Variants in ARID4B observed in about 807,000 individuals in gnomAD.
ARID4B encodes the protein AT-rich interactive domain-containing protein 4B.
In ARID4B, 26 loss-of-function variants were observed where a neutral mutation model predicts 147.5. The ratio of observed to expected loss-of-function variants is 0.18; its 90% CI spans 0.13 to 0.24. ARID4B has a LOEUF of 0.24. Among genes scored for constraint, ARID4B ranks in the 10% least tolerant of loss-of-function variants. The pLI, the probability that ARID4B is intolerant of heterozygous loss-of-function variation, is 1.00. For synonymous variants in ARID4B, 512 were observed against 507.9 expected (o/e 1.01, Z -0.11); for missense variants, 1,179 against 1,511.5 (o/e 0.78, Z 3.65).
chr1:235,202,986 A>C (rs998178940), intron 17 of ARID4B, among the ~76,000 whole-genome samples: 2 of 152,236 alleles, frequency 1.3e-5, no homozygotes, highest in Admixed American at 6.5e-5. Flanking sequence ...TGAATCAACA[A>C]ACACAGCCCT....
rs570808352 is a variant in ARID4B, at chr1:235,282,443, C to G, written c.7-21691G>C. Among the ~76,000 whole-genome samples, 5 of 152,194 alleles carry G rather than the reference C, an allele frequency of 3.3e-5. No individual in the cohort carries two copies. The East Asian group carries it at 9.6e-4, about 29-fold the overall frequency. On this transcript the variant is annotated intron_variant, in intron 2 of 23. Coordinates refer to ENST00000264183, the MANE Select transcript of ARID4B (RefSeq NM_016374.6). ...ACAGTCAATGCAAATTTAGTGAATGCGAAAATTAGTTGTATGAGTGTGTCA... is the reference window on the plus strand; with the variant it reads ...ACAGTCAATGCAAATTTAGTGAATGGGAAAATTAGTTGTATGAGTGTGTCA...
intron 2 of ARID4B, among the ~76,000 whole-genome samples, chr1:235,326,126 T>C (rs1030743817): frequency 2.6e-5 from 4 of 152,000 alleles, no homozygotes; most frequent in Non-Finnish European, 5.9e-5. Context: ...TTCAAAAATC[T>C]AAGGTTTTAT....
At chr1:235,264,369 C>T (rs997669477) in intron 2 of ARID4B, among the ~76,000 whole-genome samples, 4 of 152,204 alleles carry the variant, frequency 2.6e-5, no homozygotes, top group African/African-American at 9.6e-5. Context: ...AAACCCAAAT[C>T]AAATCCATAA....
intron 20 of ARID4B, chr1:235,181,360 TA>T (rs893536716): frequency 4.4e-6 from 3 of 688,906 alleles, no homozygotes; most frequent in Non-Finnish European, 4.5e-6. Flanking sequence ...TGGTCCACAA[TA>T]AAATGCCATG....
intron 2 of ARID4B, among the ~76,000 whole-genome samples, chr1:235,309,575 A>G (rs1673892540): frequency 6.8e-6 from 1 of 146,358 alleles, no homozygotes; most frequent in African/African-American, 2.5e-5. Flanking sequence ...CCGCCCGGTC[A>G]GCCGCCCCGT....
At chr1:235,303,256 C>T (rs1201156291) in intron 2 of ARID4B, among the ~76,000 whole-genome samples, 2 of 152,082 alleles carry the variant, frequency 1.3e-5, no homozygotes, top group Admixed American at 1.3e-4. Context: ...TGACGCTGTA[C>T]TATCTTCCAC....
intron 19 of ARID4B, among the ~76,000 whole-genome samples, chr1:235,186,916 G>A (rs1355109912): frequency 2.0e-5 from 3 of 146,884 alleles, no homozygotes; most frequent in Admixed American, 6.8e-5. Context: ...GGCTGGTCTC[G>A]AACTCCTGAC....
intron 2 of ARID4B, among the ~76,000 whole-genome samples, chr1:235,287,244 G>A (rs1312096210): frequency 6.6e-6 from 1 of 152,026 alleles, no homozygotes; most frequent in East Asian, 1.9e-4. Context: ...GGACGACAGA[G>A]TAAGACTCTG....
chr1:235,179,034 T>C (rs193198419), intron 20 of ARID4B, among the ~76,000 whole-genome samples: 6 of 152,286 alleles, frequency 3.9e-5, no homozygotes, highest in Admixed American at 2.6e-4. Flanking sequence ...CACAGAACCA[T>C]AATTGTCAGG....
rs927557902 is a variant in ARID4B at position 235,324,597 on chromosome 1, A to T, written c.6+2317T>A. Among the ~76,000 whole-genome samples the T allele has an allele frequency of 2.6e-5, 4 of 152,232 alleles. No homozygotes were observed. In the East Asian group the frequency reaches 7.7e-4, roughly 29 times the overall value. Reference sequence around the variant, plus strand: ...CCCAAGTACAAATATGTTTGGTAAGATCCAATAAATGGCATAAAACCTTCT... The same window carrying T: ...CCCAAGTACAAATATGTTTGGTAAGTTCCAATAAATGGCATAAAACCTTCT... On this transcript the variant is annotated intron_variant, in intron 2 of 23. Transcript: ENST00000264183.
In ARID4B at chr1:235,182,032, C is replaced by A. The variant is rs372963040; in HGVS notation, c.2887G>T (p.Gly963Trp). Reference sequence around the variant, plus strand: ...GTCTGCAGTGACTCCTCTGCCACCCCCTCCTCTGGGGCAGGATGCGGTGGG... The same window carrying A: ...GTCTGCAGTGACTCCTCTGCCACCCACTCCTCTGGGGCAGGATGCGGTGGG... ...ASPPHPAPEE[G>W]VAEESLQTVA... is the part of the protein sequence containing the mutation. The change falls in exon 20 of 24, where the codon GGG becomes TGG. Residue 963 changes from glycine to tryptophan, a missense_variant. By Grantham distance (184) the Gly-to-Trp change is radical (BLOSUM62 -2). Transcript: ENST00000264183. 19 of 1,614,134 alleles carry A rather than the reference C, an allele frequency of 1.2e-5. No individual in the cohort carries two copies. Among genetic ancestry groups the A allele is most frequent in the Non-Finnish European group, 1.4e-5 (17 of 1,180,020 alleles).
intron 19 of ARID4B, among the ~76,000 whole-genome samples, chr1:235,186,512 G>A (rs1248402290): frequency 6.6e-6 from 1 of 151,550 alleles, no homozygotes; most frequent in East Asian, 1.9e-4. Flanking sequence ...CCGGGTTCAG[G>A]CAATTCTCCT....
Position 235,284,910 on chromosome 1 carries a change from A to T in ARID4B, c.7-24158T>A, listed in dbSNP as rs572498713. 4.3e-4 allele frequency among the ~76,000 whole-genome samples: 52 copies of T among 120,404 alleles called. No individual in the cohort carries two copies. In the South Asian group the frequency reaches 9.7e-3, roughly 22 times the overall value. 79.0% of individuals were successfully genotyped at this position (120,404 alleles called of 152,430 possible). A position where few individuals can be genotyped will look rare whatever the true frequency, so the allele number is the denominator to read the frequency against. ...GCAAAAATGCAAACAATATATATAT[A>T]TTTTTTTTTTGGAGACAGGGTCTTG... On this transcript the variant is annotated intron_variant, in intron 2 of 23. Transcript: ENST00000264183.
intron 2 of ARID4B, among the ~76,000 whole-genome samples, chr1:235,298,697 G>A (rs542691142): frequency 4.0e-5 from 6 of 151,888 alleles, no homozygotes; most frequent in Admixed American, 1.3e-4. Flanking sequence ...TACATATAGC[G>A]TTTCATTCTA....
At chr1:235,272,462 T>C (rs1383125854) in intron 2 of ARID4B, among the ~76,000 whole-genome samples, 3 of 152,164 alleles carry the variant, frequency 2.0e-5, no homozygotes, top group African/African-American at 7.2e-5. Flanking sequence ...CTAAATGAGA[T>C]TCCTCTTAAG....
intron 2 of ARID4B, among the ~76,000 whole-genome samples, chr1:235,276,513 A>G (rs1671325262): frequency 6.6e-6 from 1 of 152,150 alleles, no homozygotes; most frequent in African/African-American, 2.4e-5. Flanking sequence ...AAGCAAGAAT[A>G]CTAATTGTCA....
intron 8 of ARID4B, among the ~76,000 whole-genome samples, chr1:235,235,229 T>C (rs1411787049): frequency 1.3e-5 from 2 of 152,150 alleles, no homozygotes; most frequent in African/African-American, 4.8e-5. Flanking sequence ...AGTTTGTGCA[T>C]GAGGGAAGGG....
chr1:235,206,178 T>C (rs1666295621), intron 17 of ARID4B, among the ~76,000 whole-genome samples: 1 of 152,182 alleles, frequency 6.6e-6, no homozygotes, highest in African/African-American at 2.4e-5. Flanking sequence ...AATACTTTTC[T>C]AGATGTGGTA....
At chr1:235,206,506 G>C (rs979323958) in intron 17 of ARID4B, among the ~76,000 whole-genome samples, 2 of 151,948 alleles carry the variant, frequency 1.3e-5, no homozygotes, top group Admixed American at 1.3e-4. Context: ...AAGAAATAGG[G>C]GAAAAATTAG....
Sources: allele counts gnomAD v4.1 joint callset (sites outside exome capture counted in the v4.1 genomes callset), GRCh38; gene constraint gnomAD v4.1.1; transcripts MANE v1.5; gene names NCBI Gene and HGNC (gene_info 2026-07-23, HGNC 2026-07-21).